C4orf51: variants seen among roughly 807,000 people sequenced by gnomAD.
C4orf51 encodes uncharacterized protein C4orf51.
A neutral mutation model predicts 25.2 loss-of-function variants in C4orf51; 25 were observed. The observed-to-expected ratio is 0.99, with a 90% CI of 0.72 to 1.39. C4orf51 has a LOEUF of 1.39. C4orf51 is among the 40% of genes most tolerant of loss of function. C4orf51 has a pLI of 0.00. For synonymous variants in C4orf51, 100 were observed against 84.5 expected, an observed-to-expected ratio of 1.18 and a Z score of -1.01; for missense variants, 252 against 239.6, an observed-to-expected ratio of 1.05 and a Z score of -0.34.
At chr4:145,768,192 TCTCA>T (rs1162257423) in intron 1 of C4orf51, among the ~76,000 whole-genome samples, 1 of 152,156 alleles carries the variant, frequency 6.6e-6, no homozygotes, top group African/African-American at 2.4e-5. Flanking sequence ...GGAGACAGGG[TCTCA>T]CTCTGTTGCC....
intron 2 of C4orf51, among the ~76,000 whole-genome samples, chr4:145,699,929 G>A (rs1730318129): frequency 1.3e-5 from 2 of 151,882 alleles, no homozygotes; most frequent in Admixed American, 6.6e-5. Flanking sequence ...CCGCTTTTCT[G>A]GGGGAGGGGC....
chr4:145,719,522 G>A (rs772562798), intron 2 of C4orf51, among the ~76,000 whole-genome samples: 15 of 149,140 alleles, frequency 1.0e-4, no homozygotes, highest in Admixed American at 5.4e-4. Flanking sequence ...GGAGAATGGC[G>A]TGAACCCAGG....
chr4:145,732,472 C>G lies in C4orf51; in HGVS notation c.521C>G (p.Ser174Cys), dbSNP rs1732530883. 6.2e-7 allele frequency: 1 copy of G among 1,610,544 alleles called. No individual in the cohort carries two copies. The highest frequency in any genetic ancestry group is 8.5e-7 in the Non-Finnish European group (1 of 1,178,650). Residue 174 changes from serine to cysteine, a missense_variant, in exon 6 of 6, where the codon TCT becomes TGT. Ser to Cys is a moderately radical substitution (Grantham distance 112, BLOSUM62 -1). Coordinates refer to ENST00000438731, the MANE Select transcript of C4orf51 (RefSeq NM_001080531.3). ...CTCCAGCTTCATGGACGGTGCGATT[C>G]TGAAAGCAAGGTTTGCTCATCTGAG... ...VLKHLHGRCD[S>C]ESKVCSSEDS...
downstream of C4orf51, among the ~76,000 whole-genome samples, chr4:145,771,765 C>T (rs541393081): frequency 7.4e-4 from 113 of 152,268 alleles, no homozygotes; most frequent in Non-Finnish European, 1.2e-3. Context: ...AAACAAAATG[C>T]GTGCTGTTGA....
chr4:145,784,669 A>G, the C4orf51 span, among the ~76,000 whole-genome samples: 1 of 152,214 alleles, frequency 6.6e-6, no homozygotes, highest in East Asian at 1.9e-4. Context: ...CATATCAATA[A>G]CTGCTTTTAA....
intron 2 of C4orf51, among the ~76,000 whole-genome samples, chr4:145,701,964 TC>T (rs569674719): frequency 0.011 from 1,621 of 151,800 alleles, 33 homozygotes; most frequent in African/African-American, 0.038. Context: ...TCCTCTCATA[TC>T]CCCCCACCTT....
chr4:145,749,063 GTGTATATATA>G (rs1368709589), intron 1 of C4orf51, among the ~76,000 whole-genome samples: 1 of 140,002 alleles, frequency 7.1e-6, no homozygotes, highest in Non-Finnish European at 1.6e-5. Flanking sequence ...GTGTGTGTGT[GTGTATATATA>G]TATATATATA....
intron 2 of C4orf51, among the ~76,000 whole-genome samples, chr4:145,699,912 G>T (rs1353755215): frequency 6.6e-6 from 1 of 151,818 alleles, no homozygotes; most frequent in African/African-American, 2.4e-5. Flanking sequence ...ACCCTTAGCG[G>T]CAAGTCCCGC....
chr4:145,762,006 G>T lies in C4orf51; in HGVS notation n.167-8982G>T, dbSNP rs1206801877. ...ACCTCCTGACCTCCCCTCTAGATGG[G>T]AGCAACACAAAGAATCGACTTTTCA... On this transcript the variant is annotated intron_variant and non_coding_transcript_variant, in intron 1 of 1. Coordinates refer to the C4orf51 transcript ENST00000510096. This position sits in a 1 kb window ranked among gnomAD's most constrained non-coding sequence, Gnocchi z 4.9. 1.3e-5 allele frequency among the ~76,000 whole-genome samples: 2 copies of T among 152,138 alleles called. No homozygotes were observed. Among genetic ancestry groups the T allele is most frequent in the Non-Finnish European group, 2.9e-5 (2 of 68,024 alleles).
intron 4 of C4orf51, among the ~76,000 whole-genome samples, 165 bp downstream of exon 4, chr4:145,729,394 CACG>C (rs1732307457): frequency 6.7e-6 from 1 of 150,360 alleles, no homozygotes; most frequent in South Asian, 2.1e-4. Flanking sequence ...CTCTGCCTCC[CACG>C]TTCACGCCAT....
chr4:145,736,188 G>T (rs984236450), downstream of C4orf51, among the ~76,000 whole-genome samples: 6 of 151,880 alleles, frequency 4.0e-5, no homozygotes, highest in African/African-American at 1.5e-4. Context: ...ATTAGAGTGG[G>T]AACACTGTTA....
At chr4:145,706,428 C>T (rs57588120) in intron 2 of C4orf51, among the ~76,000 whole-genome samples, 25,920 of 152,096 alleles carry the variant, frequency 0.17, 2,401 homozygotes, top group African/African-American at 0.24. Context: ...TAACTTGGGG[C>T]TTCTAGACCT....
intron 2 of C4orf51, among the ~76,000 whole-genome samples, chr4:145,698,801 T>A (rs570415265): frequency 1.6e-3 from 247 of 152,346 alleles, no homozygotes; most frequent in African/African-American, 5.7e-3. Context: ...AAGTTCATTA[T>A]ATATTTTGGA....
At chr4:145,777,744 G>C in the C4orf51 span, among the ~76,000 whole-genome samples, 1 of 151,980 alleles carries the variant, frequency 6.6e-6, no homozygotes, top group Non-Finnish European at 1.5e-5. Flanking sequence ...AATTCCTTAA[G>C]ATGACCATTA....
chr4:145,792,375 GA>G, the C4orf51 span, among the ~76,000 whole-genome samples: 5,099 of 115,754 alleles, frequency 0.044, 206 homozygotes, highest in African/African-American at 0.12. Flanking sequence ...GTTGTCATAA[GA>G]AAAAAAAAAA....
At chr4:145,774,696 GA>G (rs757192817), downstream of C4orf51, 5 of 1,605,190 alleles carry the variant, frequency 3.1e-6, no homozygotes. Flanking sequence ...TAAAAGAAAA[GA>G]GGGGGAGAGA....
At chr4:145,689,930 C>T (rs190481929) in intron 1 of C4orf51, among the ~76,000 whole-genome samples, 62 of 152,196 alleles carry the variant, frequency 4.1e-4, no homozygotes, top group Middle Eastern at 6.8e-3. Flanking sequence ...AGAGGCTGGG[C>T]GCGGTGGCTC....
At chr4:145,696,461 T>TA (rs1560827123) in intron 1 of C4orf51, 98 bp from the exon 2 acceptor site, 2 of 1,031,820 alleles carry the variant, frequency 1.9e-6, no homozygotes, top group Non-Finnish European at 3.0e-6. Flanking sequence ...ATGAAAGTTT[T>TA]AAAAAAAGAT....
At chr4:145,736,495 G>A (rs1050933236), downstream of C4orf51, among the ~76,000 whole-genome samples, 9 of 152,112 alleles carry the variant, frequency 5.9e-5, no homozygotes, top group African/African-American at 2.2e-4. Context: ...GCCACACCTG[G>A]TCCATGGCTG....
Sources: gnomAD v4.1 joint callset for allele counts (sites outside exome capture counted in the v4.1 genomes callset) on GRCh38, gnomAD v4.1.1 for gene constraint, Gnocchi (gnomAD v3.1) non-coding constraint, MANE v1.5 for transcripts, NCBI Gene and HGNC (gene_info 2026-07-23, HGNC 2026-07-21) for gene names.